The following CHST10 variants were observed in gnomAD, a reference collection of about 807,000 sequenced individuals.
The protein encoded by CHST10 is HNK-1 sulfotransferase.
A neutral mutation model predicts 34.7 loss-of-function variants in CHST10; 24 were observed. That is an observed-to-expected ratio of 0.69 (90% CI 0.50 to 0.97). CHST10 has a LOEUF of 0.97. Ranked by LOEUF, CHST10 falls within the 50% of genes least tolerant of loss-of-function variation. CHST10 has a pLI of 0.00. For missense variants in CHST10, 402 were observed against 452.1 expected (o/e 0.89, Z 1.00); for synonymous variants, 161 against 169.3 (o/e 0.95, Z 0.38).
intron 6 of CHST10, among the ~76,000 whole-genome samples, chr2:100,394,475 G>C (rs999134646): frequency 9.2e-5 from 14 of 152,190 alleles, no homozygotes; most frequent in African/African-American, 3.1e-4. Context: ...AGCCCCATGA[G>C]TGCTCAGGGC....
chr2:100,415,557 G>A (rs1052604211), intron 1 of CHST10, among the ~76,000 whole-genome samples: 1 of 151,980 alleles, frequency 6.6e-6, no homozygotes, highest in Admixed American at 6.5e-5. Context: ...CCAAAGTCAT[G>A]GAATTAGATC....
rs938714760 is a variant in CHST10 at position 100,406,469 on chromosome 2, A to G, written c.100+107T>C. 28 of 1,430,684 alleles carry G rather than the reference A, an allele frequency of 2.0e-5. 1 individual carries two copies. In the Middle Eastern group the frequency reaches 2.2e-3, roughly 113 times the overall value. The allele number at this position is 1,430,684 out of a possible 1,614,324, so 88.6% of individuals were successfully genotyped here. On this transcript the variant is annotated intron_variant, in intron 3 of 6. Transcript: ENST00000264249. ...GACCTCCAAGGTCCCTGCTGGCATG[A>G]AAGTCCTTTGACTCTGTGACAGAAG...
intron 1 of CHST10, chr2:100,416,893 C>T (rs1357484122): frequency 1.1e-5 from 13 of 1,137,720 alleles, no homozygotes; most frequent in Admixed American, 4.6e-5. Flanking sequence ...CCTCCAACTT[C>T]GGACAGGCCT....
rs976272351 is a variant in CHST10 at position 100,417,631 on chromosome 2, G to A, written c.-361C>T. 32 of 150,880 alleles carry A rather than the reference G, an allele frequency of 2.1e-4. No homozygotes were observed. Among genetic ancestry groups the A allele is most frequent in the African/African-American group, 7.0e-4 (29 of 41,294 alleles). The allele number at this position is 150,880 out of a possible 1,614,324, so 9.3% of individuals were successfully genotyped here. On this transcript the variant is annotated 5_prime_UTR_variant, in exon 1 of 7. Transcript: ENST00000264249. ...GGCCAGAACGCCGGCACCGCCTCACGCGGCCCCCTCGCGCCTATCCGGCCG... is the reference window on the plus strand; with the variant it reads ...GGCCAGAACGCCGGCACCGCCTCACACGGCCCCCTCGCGCCTATCCGGCCG...
Position 100,392,349 on chromosome 2 carries a change from G to A in CHST10, c.*896C>T, listed in dbSNP as rs369112984. ...GAGCTCCCTGGAGAAGACAGGTGGA[G>A]ATTCACTGCTGTCCACCCAGGTAAG... On this transcript the variant is annotated 3_prime_UTR_variant, in exon 7 of 7. Coordinates refer to ENST00000264249, the MANE Select transcript of CHST10 (RefSeq NM_004854.5). 2.0e-5 allele frequency: 3 copies of A among 152,488 alleles called. No individual in the cohort carries two copies. Among genetic ancestry groups the A allele is most frequent in the East Asian group, 3.9e-4 (2 of 5,170 alleles). The allele number at this position is 152,488 out of a possible 1,614,324, so 9.4% of individuals were successfully genotyped here.
At chr2:100,410,913 A>G (rs754326080) in intron 2 of CHST10, among the ~76,000 whole-genome samples, 1 of 152,152 alleles carries the variant, frequency 6.6e-6, no homozygotes, top group African/African-American at 2.4e-5. Context: ...TATACCAGTA[A>G]ACAAAAAAGA....
At chr2:100,404,136 T>A (rs897853067) in intron 3 of CHST10, among the ~76,000 whole-genome samples, 2 of 152,226 alleles carry the variant, frequency 1.3e-5, no homozygotes, top group Non-Finnish European at 2.9e-5. Context: ...CCAGGTCCCT[T>A]GGGACAATTA....
chr2:100,414,868 T>G (rs1277931111), intron 2 of CHST10, among the ~76,000 whole-genome samples, 173 bp downstream of exon 2: 1 of 152,168 alleles, frequency 6.6e-6, no homozygotes, highest in East Asian at 1.9e-4. Flanking sequence ...CTAACTCACA[T>G]AATCCCAGCC....
In CHST10 at chr2:100,398,065, G is replaced by T. The variant is rs148626049; in HGVS notation, c.270C>A (p.Asn90Lys). ...VYMERLELIR[N>K]VCRDDALKNL... ...TCTTCAGGGCATCATCCCTGCAGAC[G>T]TTTCTGATGAGTTCCAGGCGCTCCA... Residue 90 changes from asparagine (N) to lysine (K), a missense_variant, in exon 5 of 7, where the codon AAC becomes AAA. By Grantham distance (94) the Asn-to-Lys change is moderately conservative. Coordinates refer to ENST00000264249, the MANE Select transcript of CHST10 (RefSeq NM_004854.5). 90 of 1,614,064 alleles carry T rather than the reference G, an allele frequency of 5.6e-5. No individual in the cohort carries two copies. Among genetic ancestry groups the T allele is most frequent in the Non-Finnish European group, 7.6e-5 (90 of 1,180,046 alleles).
intron 4 of CHST10, among the ~76,000 whole-genome samples, chr2:100,401,138 GT>G (rs749720984): frequency 2.3e-4 from 35 of 152,272 alleles, no homozygotes; most frequent in Non-Finnish European, 4.4e-4. Flanking sequence ...TCCCATCTGA[GT>G]CTCATGAGAA....
At chr2:100,406,530 T>A in intron 3 of CHST10, 46 bp downstream of exon 3, 1 of 1,609,782 alleles carries the variant, frequency 6.2e-7, no homozygotes, top group African/African-American at 1.3e-5. Flanking sequence ...GTGTTGCAGC[T>A]AGGTCTAAAT....
intron 5 of CHST10, among the ~76,000 whole-genome samples, chr2:100,397,113 C>T (rs1283880734): frequency 2.6e-5 from 4 of 152,116 alleles, no homozygotes; most frequent in African/African-American, 9.7e-5. Flanking sequence ...CCCATGGTGC[C>T]CCAAAATCCG....
At chr2:100,414,166 T>C (rs1675965830) in intron 2 of CHST10, among the ~76,000 whole-genome samples, 1 of 152,162 alleles carries the variant, frequency 6.6e-6, no homozygotes, top group Admixed American at 6.5e-5. Context: ...GCAAAGACTG[T>C]GGTCTGGGTC....
intron 2 of CHST10, among the ~76,000 whole-genome samples, chr2:100,413,059 A>C (rs1233450812): frequency 6.6e-6 from 1 of 152,168 alleles, no homozygotes; most frequent in Non-Finnish European, 1.5e-5. Context: ...CTATCTGAGG[A>C]TGACACCACC....
At chr2:100,407,628 C>T (rs1319793682) in intron 2 of CHST10, 1 of 152,168 alleles carries the variant, frequency 6.6e-6, no homozygotes, top group East Asian at 1.9e-4. Flanking sequence ...CTGGGTGGGT[C>T]AGAGCTCCAT....
intron 6 of CHST10, among the ~76,000 whole-genome samples, chr2:100,394,266 C>T (rs534302365): frequency 1.0e-3 from 159 of 152,304 alleles, no homozygotes; most frequent in African/African-American, 3.4e-3. Flanking sequence ...AGTCAGGCTT[C>T]ACGCTCCAGA....
Position 100,405,155 on chromosome 2 carries a change from C to A in CHST10, c.100+1421G>T, listed in dbSNP as rs145811514. ...AATGTCCAAACTGTCAAACTGAGAT[C>A]ATCGTGTCACATTCCAGCAACCCTC... On this transcript the variant is annotated intron_variant, in intron 3 of 6. Transcript: ENST00000264249. Among the ~76,000 whole-genome samples the A allele has an allele frequency of 2.6e-3, 401 of 152,366 alleles. 2 individuals are homozygous for A. Among genetic ancestry groups the A allele is most frequent in the African/African-American group, 9.1e-3 (378 of 41,592 alleles).
chr2:100,393,130 C>T lies in CHST10; in HGVS notation c.*115G>A. 1 of 1,141,918 alleles carries T rather than the reference C, an allele frequency of 8.8e-7. No homozygotes were observed. The highest frequency in any genetic ancestry group is 1.3e-6 in the Non-Finnish European group (1 of 792,432). 70.7% of individuals were successfully genotyped at this position (1,141,918 alleles called of 1,614,324 possible). ...AGGCAACTCACAGGCCTGTGGGAGA[C>T]CCCGGGCGTCCTCAAAGGAGGGGTG... On this transcript the variant is annotated 3_prime_UTR_variant, in exon 7 of 7. Coordinates refer to ENST00000264249, the MANE Select transcript of CHST10 (RefSeq NM_004854.5).
chr2:100,410,755 A>G (rs1442786582), intron 2 of CHST10, among the ~76,000 whole-genome samples: 4 of 152,254 alleles, frequency 2.6e-5, no homozygotes, highest in African/African-American at 9.6e-5. Context: ...CACAGCATGT[A>G]TATGCATTCA....
Sources: gnomAD v4.1 joint callset for allele counts (sites outside exome capture counted in the v4.1 genomes callset) on GRCh38, gnomAD v4.1.1 for gene constraint, MANE v1.5 for transcripts, NCBI Gene and HGNC (gene_info 2026-07-23, HGNC 2026-07-21) for gene names.